The following XCR1 variants were observed in gnomAD, a reference collection of about 807,000 sequenced individuals.
XCR1 encodes chemokine XC receptor 1.
For synonymous variants in XCR1, 187 were observed against 188.5 expected (o/e 0.99, Z 0.06); for missense variants, 356 against 424.2 (o/e 0.84, Z 1.41).
chr3:46,026,592 T>C (rs1708292335), intron 1 of XCR1, among the ~76,000 whole-genome samples: 1 of 151,784 alleles, frequency 6.6e-6, no homozygotes, highest in South Asian at 2.1e-4. Flanking sequence ...TCTTCTTTTT[T>C]TTTTTTTTGA....
intron 2 of XCR1, among the ~76,000 whole-genome samples, chr3:46,075,320 A>AC (rs1362333451): frequency 5.3e-5 from 8 of 150,642 alleles, no homozygotes; most frequent in Admixed American, 5.3e-4. Context: ...AAAAAAAAAA[A>AC]AAAAAAAAAA....
chr3:46,034,958 G>A (rs1160037385), intron 5 of XCR1, among the ~76,000 whole-genome samples: 1 of 152,048 alleles, frequency 6.6e-6, no homozygotes, highest in Non-Finnish European at 1.5e-5. Flanking sequence ...CATAGTTCCT[G>A]TTTTCTTTTT....
intron 5 of XCR1, among the ~76,000 whole-genome samples, chr3:46,041,625 C>T (rs1249906629): frequency 6.6e-6 from 1 of 152,090 alleles, no homozygotes; most frequent in Non-Finnish European, 1.5e-5. Context: ...GGACTGAAGC[C>T]GACCCAGTGA....
chr3:46,082,395 A>C (rs745959773), intron 1 of XCR1, among the ~76,000 whole-genome samples: 1 of 150,084 alleles, frequency 6.7e-6, no homozygotes, highest in South Asian at 2.3e-4. Context: ...TTATATGTGC[A>C]TATATACATG....
chr3:46,039,573 C>T (rs1224536758), intron 5 of XCR1, among the ~76,000 whole-genome samples: 1 of 152,192 alleles, frequency 6.6e-6, no homozygotes, highest in Non-Finnish European at 1.5e-5. Context: ...TGTTAAGTTA[C>T]AGGCCTTTGA....
chr3:46,061,737 A>T (rs1697966696), intron 4 of XCR1, among the ~76,000 whole-genome samples: 1 of 151,996 alleles, frequency 6.6e-6, no homozygotes, highest in East Asian at 1.9e-4. Context: ...GGTACAGAGG[A>T]TGGGGGTTAG....
chr3:46,079,524 C>A (rs1303018236), intron 1 of XCR1, among the ~76,000 whole-genome samples: 1 of 152,040 alleles, frequency 6.6e-6, no homozygotes, highest in Admixed American at 6.6e-5. Flanking sequence ...TCTCCTCATC[C>A]TACCCCTGCA....
intron 1 of XCR1, chr3:46,023,429 T>C (rs1448873632): frequency 1.3e-6 from 2 of 1,483,448 alleles, no homozygotes; most frequent in Admixed American, 1.7e-5. Context: ...TCTGAAGCCA[T>C]GAAGCTGACA....
At chr3:46,067,691 C>G (rs973591355) in intron 3 of XCR1, among the ~76,000 whole-genome samples, 3 of 152,168 alleles carry the variant, frequency 2.0e-5, no homozygotes, top group African/African-American at 4.8e-5. Flanking sequence ...TGTTAACTAA[C>G]TTGGGGACCA....
intron 1 of XCR1, among the ~76,000 whole-genome samples, chr3:46,077,948 G>C (rs188209214): frequency 6.6e-6 from 1 of 152,064 alleles, no homozygotes; most frequent in Non-Finnish European, 1.5e-5. Context: ...GAAGGAAAGG[G>C]GCAAAGACTG....
At chr3:46,075,861 T>C (rs1464159327) in intron 2 of XCR1, among the ~76,000 whole-genome samples, 1 of 152,152 alleles carries the variant, frequency 6.6e-6, no homozygotes, top group Non-Finnish European at 1.5e-5. Context: ...TTATCACATA[T>C]GTATCATAAT....
At chr3:46,024,085 G>A in intron 1 of XCR1, 1 of 861,398 alleles carries the variant, frequency 1.2e-6, no homozygotes, top group East Asian at 2.4e-5. Flanking sequence ...TCCTCCCTTG[G>A]ATTTTACATC....
chr3:46,023,129 CGCG>C lies in XCR1; in HGVS notation c.-31-1154_-31-1152del, dbSNP rs1010120168. Among the ~76,000 whole-genome samples the C allele has an allele frequency of 9.2e-5, 14 of 152,148 alleles. 1 individual carries two copies. Among genetic ancestry groups the C allele is most frequent in the African/African-American group, 3.4e-4 (14 of 41,456 alleles). ...GTGACGTCATGGCGCCGTGCGGGGT[CGCG>C]GCGGCGGCGCAGGGGGCGGGCCCGT... On this transcript the variant is annotated intron_variant, in intron 1 of 1. Coordinates refer to ENST00000309285, the MANE Select transcript of XCR1 (RefSeq NM_001024644.2).
Position 46,035,860 on chromosome 3 carries a change from G to A in XCR1, c.-31-13882C>T, listed in dbSNP as rs1697422024. Among the ~76,000 whole-genome samples the A allele has an allele frequency of 3.3e-5, 5 of 152,044 alleles. No homozygotes were observed. In the South Asian group the frequency reaches 1.0e-3, roughly 32 times the overall value. On this transcript the variant is annotated intron_variant, in intron 5 of 5. Coordinates refer to the XCR1 transcript ENST00000683768. ...TTGTAATTGTTTGTGTGTGTGTCCAGGCAAGTGAGTGTCTTTTGTGGGTAC... is the reference window on the plus strand; with the variant it reads ...TTGTAATTGTTTGTGTGTGTGTCCAAGCAAGTGAGTGTCTTTTGTGGGTAC...
At chr3:46,023,719 C>T (rs1708219394) in intron 1 of XCR1, 3 of 1,533,298 alleles carry the variant, frequency 2.0e-6, no homozygotes, top group African/African-American at 2.7e-5. Context: ...AGACACACTA[C>T]TATATTTACT....
At chr3:46,075,911 C>T (rs1698251977) in intron 2 of XCR1, among the ~76,000 whole-genome samples, 1 of 151,902 alleles carries the variant, frequency 6.6e-6, no homozygotes, top group African/African-American at 2.4e-5. Flanking sequence ...CAAATTCTGA[C>T]AAGGATGTGG....
intron 5 of XCR1, among the ~76,000 whole-genome samples, chr3:46,034,004 C>G (rs557421526): frequency 6.6e-6 from 1 of 151,832 alleles, no homozygotes; most frequent in South Asian, 2.1e-4. Context: ...GACAGAGTCT[C>G]ACTCTGTTGC....
At chr3:46,046,876 G>A (rs896021506) in intron 5 of XCR1, among the ~76,000 whole-genome samples, 1 of 152,146 alleles carries the variant, frequency 6.6e-6, no homozygotes, top group Non-Finnish European at 1.5e-5. Context: ...AATATCAAAG[G>A]TGATGTTGGA....
At chr3:46,074,342 C>G (rs1164363830) in intron 3 of XCR1, among the ~76,000 whole-genome samples, 1 of 145,656 alleles carries the variant, frequency 6.9e-6, no homozygotes, top group Non-Finnish European at 1.5e-5. Flanking sequence ...AGGTCATTAT[C>G]TTAAGTAAAA....
Sources: allele counts gnomAD v4.1 joint callset (sites outside exome capture counted in the v4.1 genomes callset), GRCh38; gene constraint gnomAD v4.1.1; transcripts MANE v1.5; gene names NCBI Gene and HGNC (gene_info 2026-07-23, HGNC 2026-07-21).